Variants in KCNMA1 observed in about 807,000 individuals in gnomAD.
KCNMA1 encodes the protein potassium calcium-activated channel subfamily M alpha 1.
KCNMA1 carries 29 observed loss-of-function variants against 140.0 expected under a neutral mutation model. The ratio of observed to expected loss-of-function variants is 0.21; its 90% CI spans 0.15 to 0.28. The LOEUF (loss-of-function observed/expected upper bound fraction) is 0.28. KCNMA1 is among the 10% of genes least tolerant of loss of function. The probability of loss-of-function intolerance (pLI) is 1.00; values close to 1 mark genes in which losing one functional copy is unlikely to be tolerated. For missense variants in KCNMA1, 880 were observed against 1,602.2 expected (o/e 0.55, Z 7.70); for synonymous variants, 612 against 611.9 (o/e 1.00, Z 0.00).
At chr10:76,996,423 C>A (rs1383454261) in intron 19 of KCNMA1, among the ~76,000 whole-genome samples, 2 of 152,186 alleles carry the variant, frequency 1.3e-5, no homozygotes, top group Admixed American at 6.5e-5. Flanking sequence ...AGGCCCATCA[C>A]TAGGTCTTAG....
At chr10:77,243,074 C>G (rs1350877376) in intron 3 of KCNMA1, among the ~76,000 whole-genome samples, 1 of 152,108 alleles carries the variant, frequency 6.6e-6, no homozygotes. Context: ...CAACCAGGGT[C>G]TCCCCAAAGC....
intron 2 of KCNMA1, among the ~76,000 whole-genome samples, chr10:77,400,590 T>C (rs1309990119): frequency 6.6e-6 from 1 of 152,226 alleles, no homozygotes; most frequent in Non-Finnish European, 1.5e-5. Context: ...GACAGGGAGC[T>C]GGCAGGTACT....
chr10:77,337,285 G>A (rs773593032), intron 2 of KCNMA1, among the ~76,000 whole-genome samples: 2 of 152,156 alleles, frequency 1.3e-5, no homozygotes, highest in Non-Finnish European at 2.9e-5. Context: ...AAGTACTGAT[G>A]CAGAGACCAT....
intron 1 of KCNMA1, among the ~76,000 whole-genome samples, chr10:77,503,042 A>C (rs916154376): frequency 6.6e-6 from 1 of 152,160 alleles, no homozygotes; most frequent in African/African-American, 2.4e-5. Flanking sequence ...GCTTGAGCCC[A>C]GGAGTTTGAG....
chr10:77,404,079 T>G (rs976313607), intron 1 of KCNMA1, 56 bp from the exon 2 acceptor site: 33 of 1,577,596 alleles, frequency 2.1e-5, no homozygotes, highest in Non-Finnish European at 2.7e-5. Flanking sequence ...TTAAATAACA[T>G]GCTCTACCCA....
chr10:77,323,132 A>G (rs591485), intron 2 of KCNMA1, among the ~76,000 whole-genome samples: 123,302 of 152,148 alleles, frequency 0.81, 50,075 homozygotes, highest in Middle Eastern at 0.9. Context: ...TGATATTCCC[A>G]TAGATTGCTG....
At chr10:77,112,294 T>C in intron 7 of KCNMA1, 73 bp downstream of exon 7, 1 of 1,047,074 alleles carries the variant, frequency 9.6e-7, no homozygotes, top group South Asian at 1.3e-5. Flanking sequence ...AGATAAATTT[T>C]AGGTAATAAA....
At chr10:77,132,066 A>C (rs1192238160) in intron 5 of KCNMA1, among the ~76,000 whole-genome samples, 1 of 152,136 alleles carries the variant, frequency 6.6e-6, no homozygotes, top group Non-Finnish European at 1.5e-5. Context: ...CACATATTAC[A>C]CTTCAGGCCA....
At chr10:77,617,251 A>G (rs2089907371) in intron 1 of KCNMA1, among the ~76,000 whole-genome samples, 1 of 152,238 alleles carries the variant, frequency 6.6e-6, no homozygotes, top group African/African-American at 2.4e-5. Flanking sequence ...CCCGGGAAGC[A>G]GCCTCTGTCA....
intron 3 of KCNMA1, among the ~76,000 whole-genome samples, chr10:77,203,976 A>T (rs1167131236): frequency 6.6e-6 from 1 of 151,868 alleles, no homozygotes; most frequent in Admixed American, 6.6e-5. Flanking sequence ...GGTTCCTATA[A>T]TCCCAGCTAC....
intron 1 of KCNMA1, among the ~76,000 whole-genome samples, chr10:77,437,914 TGG>T (rs940359287): frequency 1.3e-5 from 2 of 152,114 alleles, no homozygotes; most frequent in African/African-American, 2.4e-5. Flanking sequence ...CAGAACTGAA[TGG>T]GCCATCAGAG....
At chr10:77,515,015 G>T (rs1406513892) in intron 1 of KCNMA1, among the ~76,000 whole-genome samples, 5 of 152,148 alleles carry the variant, frequency 3.3e-5, no homozygotes, top group Non-Finnish European at 7.4e-5. Flanking sequence ...CAGAGAGAGG[G>T]CTCTCACCCG....
At chr10:77,324,709 A>T (rs953756180) in intron 2 of KCNMA1, among the ~76,000 whole-genome samples, 5 of 152,084 alleles carry the variant, frequency 3.3e-5, no homozygotes, top group African/African-American at 1.2e-4. Flanking sequence ...CTTTTCTGTC[A>T]CGTTCTCAGC....
intron 2 of KCNMA1, among the ~76,000 whole-genome samples, chr10:77,274,083 G>A (rs1198024992): frequency 6.6e-6 from 1 of 152,126 alleles, no homozygotes; most frequent in East Asian, 1.9e-4. Flanking sequence ...CAAACAAAGA[G>A]TTCCCTCTCT....
At chr10:77,134,706 G>A (rs190344213) in intron 5 of KCNMA1, among the ~76,000 whole-genome samples, 12 of 152,194 alleles carry the variant, frequency 7.9e-5, no homozygotes, top group Admixed American at 7.2e-4. Context: ...AGAATCAACC[G>A]AGTGAAGAGA....
intron 2 of KCNMA1, among the ~76,000 whole-genome samples, chr10:77,274,436 T>C (rs1292569340): frequency 1.3e-5 from 2 of 152,194 alleles, no homozygotes; most frequent in Non-Finnish European, 2.9e-5. Context: ...ACTACACAAC[T>C]GAGCTAATCA....
In KCNMA1 at chr10:77,546,038, C is replaced by T. The variant is rs545776815; in HGVS notation, c.378+91227G>A. ...CCATCTGAACTCACTTATTCCAGGC[C>T]CAGGCCTGGCTGTCCCTTGGAGGGA... On this transcript the variant is annotated intron_variant, in intron 1 of 27. Coordinates refer to ENST00000286628, the MANE Select transcript of KCNMA1 (RefSeq NM_001161352.2). Among the ~76,000 whole-genome samples, 88 of 152,298 alleles carry T rather than the reference C, an allele frequency of 5.8e-4. 3 individuals are homozygous for T. The South Asian group carries it at 0.018, about 31-fold the overall frequency.
At chr10:77,528,415 C>A (rs2056549626) in intron 1 of KCNMA1, among the ~76,000 whole-genome samples, 1 of 152,018 alleles carries the variant, frequency 6.6e-6, no homozygotes. Context: ...TTGAGACCAG[C>A]CTGGCCAACA....
At chr10:77,515,454 G>T (rs969259730) in intron 1 of KCNMA1, among the ~76,000 whole-genome samples, 2 of 152,174 alleles carry the variant, frequency 1.3e-5, no homozygotes, top group African/African-American at 4.8e-5. Flanking sequence ...CCCTCTCATA[G>T]GTAGGATGGG....
Sources: gnomAD v4.1 joint callset for allele counts (sites outside exome capture counted in the v4.1 genomes callset) on GRCh38, gnomAD v4.1.1 for gene constraint, MANE v1.5 for transcripts, NCBI Gene and HGNC (gene_info 2026-07-23, HGNC 2026-07-21) for gene names.